Variants in SMYD3 observed in about 807,000 individuals in gnomAD.
SMYD3 encodes histone-lysine N-methyltransferase SMYD3.
Under a neutral mutation model 57.7 loss-of-function variants are expected in SMYD3, and 36 were observed. The observed-to-expected ratio is 0.62, with a 90% confidence interval of 0.48 to 0.82. SMYD3 has a LOEUF of 0.82. Among genes scored for constraint, SMYD3 ranks in the 40% least tolerant of loss-of-function variants. The pLI, the probability that SMYD3 is intolerant of heterozygous loss-of-function variation, is 0.00. For synonymous variants in SMYD3, 211 were observed against 195.0 expected (o/e 1.08, Z -0.68); for missense variants, 515 against 538.8 (o/e 0.96, Z 0.44).
At chr1:246,391,281 T>C (rs1169999931) in intron 1 of SMYD3, among the ~76,000 whole-genome samples, 1 of 147,754 alleles carries the variant, frequency 6.8e-6, no homozygotes, top group African/African-American at 2.6e-5. Context: ...ATGGGAGGCT[T>C]AAGTAGGAGA....
rs566718115 is a variant in SMYD3, at chr1:245,782,055, C to A, written c.1077-17906G>T. ...GCATTCAGAGCTTTCTTTGCTCAGG[C>A]ACCCTCTCCTCTCACAGTCTCTGAA... On this transcript the variant is annotated intron_variant, in intron 10 of 11. Transcript: ENST00000490107. 5.1e-4 allele frequency among the ~76,000 whole-genome samples: 77 copies of A among 152,282 alleles called. 1 individual carries two copies. The South Asian group carries it at 0.016, about 31-fold the overall frequency.
chr1:246,156,411 A>T (rs1249871767), intron 5 of SMYD3, among the ~76,000 whole-genome samples: 1 of 152,234 alleles, frequency 6.6e-6, no homozygotes, highest in African/African-American at 2.4e-5. Flanking sequence ...TTTTAGAATG[A>T]CATCTGCTAA....
At chr1:245,920,279 C>T (rs193157040) in intron 7 of SMYD3, among the ~76,000 whole-genome samples, 5 of 142,354 alleles carry the variant, frequency 3.5e-5, no homozygotes, top group Admixed American at 1.4e-4. Context: ...TGCCACTGCA[C>T]TCCAGCCTGG....
intron 10 of SMYD3, among the ~76,000 whole-genome samples, chr1:245,842,787 T>A (rs2050469532): frequency 6.6e-6 from 1 of 152,130 alleles, no homozygotes; most frequent in Non-Finnish European, 1.5e-5. Context: ...AAGCTAACTG[T>A]TACCTCGAAC....
intron 5 of SMYD3, among the ~76,000 whole-genome samples, chr1:246,139,967 G>A (rs1400529810): frequency 6.6e-6 from 1 of 152,126 alleles, no homozygotes; most frequent in Non-Finnish European, 1.5e-5. Flanking sequence ...ATTTCACTCT[G>A]CAATGACACA....
chr1:246,142,762 G>C (rs769644767), intron 5 of SMYD3, among the ~76,000 whole-genome samples: 13 of 152,254 alleles, frequency 8.5e-5, no homozygotes, highest in Non-Finnish European at 1.6e-4. Flanking sequence ...TCAGATAAGG[G>C]GGGCACTGCT....
intron 5 of SMYD3, among the ~76,000 whole-genome samples, chr1:245,982,533 C>A (rs12404037): frequency 0.12 from 17,710 of 152,210 alleles, 1,439 homozygotes; most frequent in East Asian, 0.44. Context: ...ATAGTAAAGG[C>A]TCACTTATAG....
chr1:246,092,289 G>A (rs1258969099), intron 5 of SMYD3, among the ~76,000 whole-genome samples: 1 of 152,082 alleles, frequency 6.6e-6, no homozygotes, highest in Non-Finnish European at 1.5e-5. Flanking sequence ...TTAAATTGCT[G>A]TTCGAAATTA....
chr1:246,235,091 T>C (rs1192640516), intron 5 of SMYD3, among the ~76,000 whole-genome samples: 3 of 152,202 alleles, frequency 2.0e-5, no homozygotes, highest in Non-Finnish European at 2.9e-5. Flanking sequence ...GGAGGTCCTT[T>C]GAGCTACTAA....
chr1:246,483,882 T>A (rs2068146426), intron 1 of SMYD3: 1 of 152,220 alleles, frequency 6.6e-6, no homozygotes, highest in Non-Finnish European at 1.5e-5. Context: ...AATCTACCAT[T>A]GCTTTTTCAC....
At chr1:246,426,796 C>T (rs969179409) in intron 1 of SMYD3, among the ~76,000 whole-genome samples, 1 of 152,068 alleles carries the variant, frequency 6.6e-6, no homozygotes, top group African/African-American at 2.4e-5. Context: ...AGAGGAAAAT[C>T]ATATGTTTCT....
intron 5 of SMYD3, among the ~76,000 whole-genome samples, chr1:245,949,723 C>G (rs1457909306): frequency 6.6e-6 from 1 of 152,148 alleles, no homozygotes; most frequent in Non-Finnish European, 1.5e-5. Flanking sequence ...GTGGAAGAAT[C>G]TCTTGAACCT....
At chr1:246,299,803 G>A (rs371686029) in intron 5 of SMYD3, among the ~76,000 whole-genome samples, 6 of 151,742 alleles carry the variant, frequency 4.0e-5, no homozygotes, top group South Asian at 2.1e-4. Context: ...ATGGACACAC[G>A]GAGAGGAACA....
intron 5 of SMYD3, among the ~76,000 whole-genome samples, chr1:246,000,962 C>T (rs751932204): frequency 1.3e-5 from 2 of 152,160 alleles, no homozygotes; most frequent in Non-Finnish European, 2.9e-5. Flanking sequence ...TTTATTTTGT[C>T]CGAGTAAGGT....
chr1:245,857,328 A>G (rs898790344), intron 10 of SMYD3, among the ~76,000 whole-genome samples: 2 of 152,164 alleles, frequency 1.3e-5, no homozygotes, highest in Admixed American at 1.3e-4. Context: ...TGGCTTCCTG[A>G]CCAAACACCT....
chr1:246,091,196 C>A (rs1262024496), intron 5 of SMYD3, among the ~76,000 whole-genome samples: 2 of 152,112 alleles, frequency 1.3e-5, no homozygotes, highest in African/African-American at 4.8e-5. Context: ...ATGTTGGCCA[C>A]GTGTGAACAA....
At position 246,450,417 on chromosome 1, in the gene SMYD3, G is replaced by A. The variant is rs12059826; in HGVS notation, c.164+56637C>T. ...GGAAATGCTTGATTTGATCACCTCCGTTGTTCTTCTCTCAACCTGCTTCTT... is the reference window on the plus strand; with the variant it reads ...GGAAATGCTTGATTTGATCACCTCCATTGTTCTTCTCTCAACCTGCTTCTT... On this transcript the variant is annotated intron_variant, in intron 1 of 11. Coordinates refer to ENST00000490107, the MANE Select transcript of SMYD3 (RefSeq NM_001167740.2). 6.0e-3 allele frequency among the ~76,000 whole-genome samples: 916 copies of A among 152,192 alleles called. 13 individuals are homozygous for A. The highest frequency in any genetic ancestry group is 0.021 in the African/African-American group (871 of 41,534).
intron 1 of SMYD3, among the ~76,000 whole-genome samples, chr1:246,395,302 T>G (rs931991780): frequency 6.6e-6 from 1 of 152,244 alleles, no homozygotes; most frequent in Non-Finnish European, 1.5e-5. Flanking sequence ...AAATATATCT[T>G]AACATTTTGC....
At chr1:245,821,362 G>C (rs2148340025) in intron 10 of SMYD3, among the ~76,000 whole-genome samples, 1 of 127,408 alleles carries the variant, frequency 7.8e-6, no homozygotes, top group East Asian at 2.4e-4. Context: ...GCTGAAACTG[G>C]ATCCCTTTCT....
Sources: gnomAD v4.1 joint callset for allele counts (sites outside exome capture counted in the v4.1 genomes callset) on GRCh38, gnomAD v4.1.1 for gene constraint, MANE v1.5 for transcripts, NCBI Gene and HGNC (gene_info 2026-07-23, HGNC 2026-07-21) for gene names.